Variants in LRBA observed in about 807,000 individuals in gnomAD.
LRBA encodes the protein lipopolysaccharide-responsive and beige-like anchor protein.
A neutral mutation model predicts 330.0 loss-of-function variants in LRBA; 176 were observed. The observed-to-expected ratio is 0.53, with a 90% CI of 0.47 to 0.60. The LOEUF is 0.60. Among genes scored for constraint, LRBA ranks in the 20% least tolerant of loss-of-function variants. The pLI, the probability that LRBA is intolerant of heterozygous loss-of-function variation, is 0.00. For synonymous variants in LRBA, 1,230 were observed against 1,193.0 expected (o/e 1.03, Z -0.64); for missense variants, 3,259 against 3,444.8 (o/e 0.95, Z 1.35).
At chr4:150,949,956 T>C (rs754254242) in intron 2 of LRBA, among the ~76,000 whole-genome samples, 3 of 152,148 alleles carry the variant, frequency 2.0e-5, no homozygotes, top group Non-Finnish European at 4.4e-5. Context: ...AGTTTAACTA[T>C]ATATCCTACT....
chr4:150,367,215 G>A (rs1218847999), intron 47 of LRBA, among the ~76,000 whole-genome samples: 1 of 152,040 alleles, frequency 6.6e-6, no homozygotes, highest in Non-Finnish European at 1.5e-5. Flanking sequence ...TTGTTGATTA[G>A]TTACAGCACT....
intron 40 of LRBA, among the ~76,000 whole-genome samples, chr4:150,542,486 G>A (rs1197823688): frequency 6.6e-6 from 1 of 152,104 alleles, no homozygotes. Flanking sequence ...ACCAGACATT[G>A]TGCTAAATAT....
chr4:150,516,507 A>G (rs1762378019), intron 40 of LRBA, among the ~76,000 whole-genome samples: 1 of 152,102 alleles, frequency 6.6e-6, no homozygotes, highest in Non-Finnish European at 1.5e-5. Flanking sequence ...AAAGTCAAAT[A>G]GTGAAAGATC....
In LRBA at chr4:150,737,421, T is replaced by C. The variant is rs754695959; in HGVS notation, c.5646-2055A>G. 7.9e-5 allele frequency among the ~76,000 whole-genome samples: 12 copies of C among 151,472 alleles called. No homozygotes were observed. The South Asian group carries it at 1.5e-3, about 18-fold the overall frequency. On this transcript the variant is annotated intron_variant, in intron 35 of 56. Transcript: ENST00000651943. ...CTTGCAGTGAGCCCAGATTGCACCA[T>C]TGCGCTCCAGCCTGGGTGACAGAGC...
At chr4:150,709,062 T>C (rs1785924907) in intron 36 of LRBA, among the ~76,000 whole-genome samples, 1 of 151,824 alleles carries the variant, frequency 6.6e-6, no homozygotes, top group Non-Finnish European at 1.5e-5. Flanking sequence ...ACCTACATTA[T>C]ATAATTTTAC....
chr4:150,844,307 C>A, intron 27 of LRBA, 100 bp from the exon 28 acceptor site: 1 of 638,104 alleles, frequency 1.6e-6, no homozygotes, highest in Non-Finnish European at 2.5e-6. Context: ...ACCAGAAAAG[C>A]AAAGCTATAG....
intron 2 of LRBA, among the ~76,000 whole-genome samples, chr4:150,966,126 T>G (rs1279794605): frequency 6.6e-6 from 1 of 152,174 alleles, no homozygotes; most frequent in South Asian, 2.1e-4. Context: ...TATGGTATTA[T>G]GTGAAATTTT....
chr4:150,508,231 T>TA (rs201274775), intron 40 of LRBA, among the ~76,000 whole-genome samples: 605 of 43,034 alleles, frequency 0.014, 8 homozygotes, highest in Non-Finnish European at 0.02. Context: ...TAATAAAATT[T>TA]AAAAAAAAAG....
chr4:150,746,944 C>T (rs1284831036), intron 35 of LRBA, among the ~76,000 whole-genome samples: 3 of 152,144 alleles, frequency 2.0e-5, no homozygotes, highest in Non-Finnish European at 4.4e-5. Context: ...CTTGCCCATT[C>T]TTCACTGGGA....
Position 150,928,634 on chromosome 4 carries a change from C to A in LRBA, c.449-18G>T, listed in dbSNP as rs761714328. The A allele has an allele frequency of 6.3e-7, 1 of 1,576,406 alleles. No homozygotes were observed. The highest frequency in any genetic ancestry group is 1.4e-5 in the African/African-American group (1 of 73,740). ...CAAAAGATCTGGAAACAAAAGAAAA[C>A]GATAAAATAACTCAGCTAGTTATAT... is the stretch of plus-strand genomic sequence containing the variant. On this transcript the variant is annotated intron_variant, in intron 3 of 56. Transcript: ENST00000651943.
At chr4:150,452,470 A>C (rs1295754638) in intron 44 of LRBA, among the ~76,000 whole-genome samples, 1 of 151,970 alleles carries the variant, frequency 6.6e-6, no homozygotes, top group Non-Finnish European at 1.5e-5. Context: ...AAAAATACAA[A>C]AATTAGCCGC....
In LRBA at chr4:150,437,025, A is replaced by G. The variant is rs113801367; in HGVS notation, c.6781-161T>C. ...TATCATATTGGGAGTAAAAAGCAAT[A>G]TTTTTTCCAACAAGTTAAACACAAC... On this transcript the variant is annotated intron_variant, in intron 44 of 56. Transcript: ENST00000651943. Among the ~76,000 whole-genome samples, 1,286 of 152,220 alleles carry G rather than the reference A, an allele frequency of 8.4e-3. 15 individuals are homozygous for G. Among genetic ancestry groups the G allele is most frequent in the African/African-American group, 0.029 (1,223 of 41,548 alleles).
At chr4:150,457,148 A>C (rs751983216) in intron 44 of LRBA, among the ~76,000 whole-genome samples, 1 of 152,052 alleles carries the variant, frequency 6.6e-6, no homozygotes, top group Non-Finnish European at 1.5e-5. Flanking sequence ...TTTTGTTTGC[A>C]GAATTTACTC....
At position 150,521,986 on chromosome 4, in the gene LRBA, T is replaced by C. The variant is rs186346795; in HGVS notation, c.6331-30951A>G. 2.8e-3 allele frequency among the ~76,000 whole-genome samples: 421 copies of C among 152,338 alleles called. 2 individuals carry two copies. The highest frequency in any genetic ancestry group is 7.0e-3 in the African/African-American group (293 of 41,588). On this transcript the variant is annotated intron_variant, in intron 40 of 56. Coordinates refer to ENST00000651943, the MANE Select transcript of LRBA (RefSeq NM_001364905.1). Reference sequence around the variant, plus strand: ...TATTTTCCCTTCAGTTTGCTTCACATTTAAAATCTCTATTATTTGATGGTA... The same window carrying C: ...TATTTTCCCTTCAGTTTGCTTCACACTTAAAATCTCTATTATTTGATGGTA...
chr4:150,325,800 A>G lies in LRBA; in HGVS notation c.7452+9T>C, dbSNP rs758174270. 1 of 1,587,200 alleles carries G rather than the reference A, an allele frequency of 6.3e-7. No individual in the cohort carries two copies. The highest frequency in any genetic ancestry group is 1.1e-5 in the South Asian group (1 of 90,490). On this transcript the variant is annotated intron_variant, in intron 49 of 56. Transcript: ENST00000651943. ...GGCAAGAAATGAGGAGAGTAAAAAT[A>G]GCACTTACCACTTGCATGGCAGAAC...
Position 150,914,208 on chromosome 4 carries a change from C to A in LRBA, c.1148G>T (p.Gly383Val). ...AAQIFAIYQL[G>V]LGYKGTFKFK... ...TAAGCAAACTACCTTGTATCCCAGG[C>A]CCAACTGATAAATAGCAAATATCTG... Residue 383 changes from glycine to valine, a missense_variant, in exon 9 of 57, where the codon GGC becomes GTC. Physicochemically the swap from Gly to Val is moderately radical, Grantham distance 109 (BLOSUM62 -3). Transcript: ENST00000651943. The A allele has an allele frequency of 6.2e-7, 1 of 1,606,414 alleles. No homozygotes were observed. The highest frequency in any genetic ancestry group is 1.1e-5 in the South Asian group (1 of 89,768).
intron 37 of LRBA, among the ~76,000 whole-genome samples, chr4:150,657,432 A>G (rs1780312155): frequency 6.6e-6 from 1 of 152,118 alleles, no homozygotes; most frequent in South Asian, 2.1e-4. Context: ...TCACAGGTAA[A>G]GAACAATATT....
At chr4:150,565,845 A>G (rs1204279573) in intron 40 of LRBA, among the ~76,000 whole-genome samples, 1 of 152,166 alleles carries the variant, frequency 6.6e-6, no homozygotes, top group Non-Finnish European at 1.5e-5. Context: ...TTAAACCCCT[A>G]AAAGCTAACT....
intron 4 of LRBA, 96 bp from the exon 5 acceptor site, chr4:150,921,389 T>C (rs1489320890): frequency 5.4e-6 from 4 of 736,374 alleles, no homozygotes; most frequent in Non-Finnish European, 7.2e-6. Context: ...TATACAGGAA[T>C]AATGCTATAA....
Sources: allele counts gnomAD v4.1 joint callset (sites outside exome capture counted in the v4.1 genomes callset), GRCh38; gene constraint gnomAD v4.1.1; transcripts MANE v1.5; gene names NCBI Gene and HGNC (gene_info 2026-07-23, HGNC 2026-07-21).